The following CACNB2 variants were observed in gnomAD, a reference collection of about 807,000 sequenced individuals.
CACNB2 encodes the protein voltage-dependent L-type calcium channel subunit beta-2.
In CACNB2, 42 loss-of-function variants were observed where a neutral mutation model predicts 73.3. That is an observed-to-expected ratio of 0.57 (90% CI 0.45 to 0.74). CACNB2 has a LOEUF of 0.74. Among genes scored for constraint, CACNB2 ranks in the 30% least tolerant of loss-of-function variants. The probability of loss-of-function intolerance (pLI) is 0.00; values close to 1 mark genes in which losing one functional copy is unlikely to be tolerated. For missense variants in CACNB2, 940 were observed against 853.0 expected (o/e 1.10, Z -1.27); for synonymous variants, 348 against 310.3 (o/e 1.12, Z -1.28).
chr10:18,359,088 C>A (rs534548642), intron 2 of CACNB2, among the ~76,000 whole-genome samples: 1 of 152,050 alleles, frequency 6.6e-6, no homozygotes, highest in East Asian at 1.9e-4. Flanking sequence ...GTTTTAATAA[C>A]CACTGAAATA....
chr10:18,341,012 G>C (rs146042014), intron 2 of CACNB2: 17 of 1,607,140 alleles, frequency 1.1e-5, no homozygotes, highest in Non-Finnish European at 1.4e-5. Flanking sequence ...CCAGATGCAC[G>C]GTGCGGTTTA....
chr10:18,379,435 A>C (rs2042926409), intron 2 of CACNB2, among the ~76,000 whole-genome samples: 1 of 152,006 alleles, frequency 6.6e-6, no homozygotes, highest in African/African-American at 2.4e-5. Flanking sequence ...GCTGGTCTCG[A>C]ACTCCTGACC....
At chr10:18,418,980 G>A (rs759770342) in intron 3 of CACNB2, among the ~76,000 whole-genome samples, 1 of 152,204 alleles carries the variant, frequency 6.6e-6, no homozygotes, top group Admixed American at 6.5e-5. Flanking sequence ...TATTGGATCA[G>A]TTGTAAGCTT....
chr10:18,165,736 A>T (rs1327063798), intron 2 of CACNB2, among the ~76,000 whole-genome samples: 1 of 152,206 alleles, frequency 6.6e-6, no homozygotes, highest in Non-Finnish European at 1.5e-5. Context: ...AATTCTGAAT[A>T]ACCTGTACAG....
chr10:18,430,440 C>T (rs185223597), intron 3 of CACNB2, among the ~76,000 whole-genome samples: 5 of 151,920 alleles, frequency 3.3e-5, no homozygotes, highest in Admixed American at 6.6e-5. Flanking sequence ...ACCTGCACTA[C>T]ATAGGGAGAC....
intron 4 of CACNB2, chr10:18,498,835 G>T: frequency 3.7e-6 from 1 of 273,156 alleles, no homozygotes; most frequent in Non-Finnish European, 7.1e-6. Flanking sequence ...ATCTGGGGAG[G>T]GTTTAATAAT....
chr10:18,364,857 C>G (rs1015698718), intron 2 of CACNB2, among the ~76,000 whole-genome samples: 3 of 152,110 alleles, frequency 2.0e-5, no homozygotes, highest in Non-Finnish European at 4.4e-5. Flanking sequence ...AGCTTACTTT[C>G]TTGTTAGTAT....
intron 2 of CACNB2, among the ~76,000 whole-genome samples, chr10:18,386,177 A>T (rs1025632406): frequency 6.6e-6 from 1 of 152,136 alleles, no homozygotes; most frequent in Non-Finnish European, 1.5e-5. Flanking sequence ...TCAGGACTAA[A>T]CTTAGGCATT....
In CACNB2 at chr10:18,184,804, G is replaced by A. The variant is rs767460151; in HGVS notation, c.213+33829G>A. Among the ~76,000 whole-genome samples the A allele has an allele frequency of 8.6e-5, 13 of 151,922 alleles. No individual in the cohort carries two copies. In the South Asian group the frequency reaches 1.3e-3, roughly 15 times the overall value. On this transcript the variant is annotated intron_variant, in intron 2 of 13. Coordinates refer to ENST00000324631, the MANE Select transcript of CACNB2 (RefSeq NM_201596.3). ...AGGTAAACACCTGCCATGATGATTC[G>A]CTGCACATGTCGACCCATCACCTCG...
intron 2 of CACNB2, among the ~76,000 whole-genome samples, chr10:18,338,432 G>A (rs1589078902): frequency 6.6e-6 from 1 of 152,266 alleles, no homozygotes; most frequent in African/African-American, 2.4e-5. Flanking sequence ...TGAGGGTGTG[G>A]AGAAAAGGGA....
chr10:18,235,264 G>A (rs2036395398), intron 2 of CACNB2, among the ~76,000 whole-genome samples: 1 of 151,968 alleles, frequency 6.6e-6, no homozygotes, highest in Non-Finnish European at 1.5e-5. Context: ...ACCAGCCTGG[G>A]CAATGTAGCA....
chr10:18,193,396 G>C, intron 2 of CACNB2, among the ~76,000 whole-genome samples: 1 of 152,104 alleles, frequency 6.6e-6, no homozygotes, highest in East Asian at 1.9e-4. Context: ...CATCCTGTGG[G>C]TGTGAAGTGC....
intron 2 of CACNB2, among the ~76,000 whole-genome samples, chr10:18,353,564 C>G (rs1354602576): frequency 6.6e-6 from 1 of 152,178 alleles, no homozygotes. Context: ...GTTCGCCGAT[C>G]TACGTTGATT....
At chr10:18,457,282 A>T (rs1289558717) in intron 3 of CACNB2, among the ~76,000 whole-genome samples, 1 of 151,642 alleles carries the variant, frequency 6.6e-6, no homozygotes, top group Non-Finnish European at 1.5e-5. Context: ...TAGAGACGGG[A>T]CCTCTGTATG....
chr10:18,457,727 C>G (rs898779194), intron 3 of CACNB2, among the ~76,000 whole-genome samples: 5 of 152,108 alleles, frequency 3.3e-5, no homozygotes, highest in Admixed American at 2.0e-4. Flanking sequence ...CCCGTCTCTA[C>G]TGAAAATACA....
At chr10:18,243,330 T>C (rs2036735412) in intron 2 of CACNB2, among the ~76,000 whole-genome samples, 1 of 152,126 alleles carries the variant, frequency 6.6e-6, no homozygotes, top group East Asian at 1.9e-4. Flanking sequence ...ATAGGAGTCC[T>C]GGGTAGGCCC....
chr10:18,161,629 C>CT (rs113773281), intron 2 of CACNB2, among the ~76,000 whole-genome samples: 140 of 145,878 alleles, frequency 9.6e-4, no homozygotes, highest in Admixed American at 1.9e-3. Flanking sequence ...TGGCAAATCT[C>CT]TTTTTTTTTT....
intron 2 of CACNB2, among the ~76,000 whole-genome samples, chr10:18,243,796 T>A (rs1255318835): frequency 6.6e-6 from 1 of 152,192 alleles, no homozygotes; most frequent in African/African-American, 2.4e-5. Flanking sequence ...CCTCACCAGA[T>A]ACAGCTGCCC....
intron 1 of CACNB2, among the ~76,000 whole-genome samples, chr10:18,149,439 A>T (rs538990016): frequency 6.6e-6 from 1 of 152,320 alleles, no homozygotes; most frequent in East Asian, 1.9e-4. Context: ...AGTTAATTAA[A>T]TGTCATGGAA....
Sources: allele counts gnomAD v4.1 joint callset (sites outside exome capture counted in the v4.1 genomes callset), GRCh38; gene constraint gnomAD v4.1.1; transcripts MANE v1.5; gene names NCBI Gene and HGNC (gene_info 2026-07-23, HGNC 2026-07-21).